The following JPH1 variants were observed in gnomAD, a reference collection of about 807,000 sequenced individuals.
JPH1 encodes junctophilin-1.
In JPH1, 12 loss-of-function variants were observed where a neutral mutation model predicts 53.6. That is an observed-to-expected ratio of 0.22 (90% CI 0.14 to 0.36). The LOEUF is 0.36. Among genes scored for constraint, JPH1 ranks in the 10% least tolerant of loss-of-function variants. The probability of loss-of-function intolerance (pLI) is 1.00; values close to 1 mark genes in which losing one functional copy is unlikely to be tolerated. For synonymous variants in JPH1, 375 were observed against 363.8 expected (o/e 1.03, Z -0.35); for missense variants, 808 against 905.5 (o/e 0.89, Z 1.38).
intron 2 of JPH1, among the ~76,000 whole-genome samples, chr8:74,304,598 G>A (rs988693487): frequency 2.6e-5 from 4 of 151,990 alleles, no homozygotes; most frequent in Admixed American, 6.6e-5. Flanking sequence ...TGGATGGAAG[G>A]TTTGAAATCT....
chr8:74,264,916 G>C (rs994353259), intron 2 of JPH1, among the ~76,000 whole-genome samples: 1 of 152,142 alleles, frequency 6.6e-6, no homozygotes, highest in Non-Finnish European at 1.5e-5. Flanking sequence ...TAACTCCTGT[G>C]CTTCCTTGTA....
chr8:74,250,743 C>T (rs1806022376), intron 3 of JPH1, among the ~76,000 whole-genome samples: 1 of 152,160 alleles, frequency 6.6e-6, no homozygotes, highest in African/African-American at 2.4e-5. Context: ...GCTCTAAAGC[C>T]TATGTCACCC....
At chr8:74,301,715 C>T (rs1807686801) in intron 2 of JPH1, among the ~76,000 whole-genome samples, 2 of 152,186 alleles carry the variant, frequency 1.3e-5, no homozygotes, top group South Asian at 4.1e-4. Flanking sequence ...CCCCATATGC[C>T]CTCAGTGTTC....
intron 2 of JPH1, among the ~76,000 whole-genome samples, chr8:74,262,559 C>T (rs1196838455): frequency 6.6e-6 from 1 of 152,190 alleles, no homozygotes; most frequent in African/African-American, 2.4e-5. Flanking sequence ...TGACATTTTA[C>T]AAATCTTCAG....
In JPH1 at chr8:74,235,562, C is replaced by T. The variant is rs1029230097; in HGVS notation, c.*1489G>A. 4 of 152,336 alleles carry T rather than the reference C, an allele frequency of 2.6e-5. No individual in the cohort carries two copies. Among genetic ancestry groups the T allele is most frequent in the African/African-American group, 9.7e-5 (4 of 41,366 alleles). The allele number at this position is 152,336 out of a possible 1,614,324, so 9.4% of individuals were successfully genotyped here. The stretch of plus-strand genomic sequence containing the variant: ...TGAAAATATTTAGGAGTAGCTCCCC[C>T]TCTGCAATGTAATGTTTTATAAAGA... On this transcript the variant is annotated 3_prime_UTR_variant, in exon 6 of 6. Transcript: ENST00000342232.
At chr8:74,264,265 T>C (rs1806472656) in intron 2 of JPH1, among the ~76,000 whole-genome samples, 1 of 152,228 alleles carries the variant, frequency 6.6e-6, no homozygotes, top group African/African-American at 2.4e-5. Context: ...TGTGAACCCA[T>C]CTTCACCATC....
intron 2 of JPH1, among the ~76,000 whole-genome samples, chr8:74,283,793 C>T (rs190391449): frequency 1.3e-5 from 2 of 152,292 alleles, no homozygotes; most frequent in East Asian, 1.9e-4. Context: ...GAAAGTGGTA[C>T]TTGTTGGCAT....
intron 2 of JPH1, among the ~76,000 whole-genome samples, chr8:74,289,019 T>G (rs994528229): frequency 1.3e-5 from 2 of 152,178 alleles, no homozygotes; most frequent in African/African-American, 2.4e-5. Context: ...TGGGCCAATA[T>G]GGGCTCACCC....
chr8:74,242,573 T>C (rs1805727443), intron 4 of JPH1, among the ~76,000 whole-genome samples: 1 of 152,238 alleles, frequency 6.6e-6, no homozygotes, highest in Non-Finnish European at 1.5e-5. Flanking sequence ...CTCCATTATC[T>C]TAAAGGTCAT....
intron 2 of JPH1, among the ~76,000 whole-genome samples, chr8:74,269,730 T>C (rs867082604): frequency 6.6e-6 from 1 of 152,192 alleles, no homozygotes; most frequent in African/African-American, 2.4e-5. Flanking sequence ...GACCTGAGAC[T>C]CAGAGAGATT....
chr8:74,255,998 T>C (rs1156998654), intron 3 of JPH1, among the ~76,000 whole-genome samples: 6 of 152,152 alleles, frequency 3.9e-5, no homozygotes, highest in Non-Finnish European at 8.8e-5. Context: ...TCCTCAGGGA[T>C]CTAGAACTAG....
Position 74,315,665 on chromosome 8 carries a change from G to A in JPH1, c.380-45C>T. 1.3e-5 allele frequency: 20 copies of A among 1,536,296 alleles called. No homozygotes were observed. The highest frequency in any genetic ancestry group is 1.7e-5 in the Non-Finnish European group (20 of 1,144,838). ...AGCACCGTGAGTCGGGGGCAGAGCTGCACCGTCACCTGCACCATCCAGCGC... is the reference window on the plus strand; with the variant it reads ...AGCACCGTGAGTCGGGGGCAGAGCTACACCGTCACCTGCACCATCCAGCGC... On this transcript the variant is annotated intron_variant, in intron 1 of 5. Transcript: ENST00000342232. This position sits in a 1 kb window ranked among gnomAD's most constrained non-coding sequence, Gnocchi z 6.3.
In JPH1 at chr8:74,308,044, G is replaced by A. The variant is rs546772931; in HGVS notation, c.1139+6817C>T. Among the ~76,000 whole-genome samples, 179 of 152,328 alleles carry A rather than the reference G, an allele frequency of 1.2e-3. 1 individual carries two copies. Among genetic ancestry groups the A allele is most frequent in the African/African-American group, 4.3e-3 (177 of 41,584 alleles). ...TGTTCTATCCCAGCCAACTTTATGT[G>A]TTAAATTAAATGATATTCTTTGAGT... is the stretch of plus-strand genomic sequence containing the variant. On this transcript the variant is annotated intron_variant, in intron 2 of 5. Transcript: ENST00000342232.
intron 4 of JPH1, 125 bp from the exon 5 acceptor site, chr8:74,237,428 CA>C: frequency 1.4e-6 from 1 of 724,230 alleles, no homozygotes; most frequent in South Asian, 1.9e-5. Context: ...TAAAAGATGA[CA>C]GCAGTTCGGA....
intron 2 of JPH1, among the ~76,000 whole-genome samples, chr8:74,277,873 T>C (rs1189790408): frequency 6.6e-6 from 1 of 152,070 alleles, no homozygotes; most frequent in Non-Finnish European, 1.5e-5. Flanking sequence ...GGCTCAAAGA[T>C]ATATTAAAAA....
At position 74,235,535 on chromosome 8, in the gene JPH1, C is replaced by T. The variant is rs1345236525; in HGVS notation, c.*1516G>A. On this transcript the variant is annotated 3_prime_UTR_variant, in exon 6 of 6. Coordinates refer to ENST00000342232, the MANE Select transcript of JPH1 (RefSeq NM_020647.4). Reference sequence around the variant, plus strand: ...AAAAATCTGATTAAACCATGCAAATCATGAAAATATTTAGGAGTAGCTCCC... The same window carrying T: ...AAAAATCTGATTAAACCATGCAAATTATGAAAATATTTAGGAGTAGCTCCC... The T allele has an allele frequency of 1.3e-5, 2 of 152,108 alleles. No individual in the cohort carries two copies. Among genetic ancestry groups the T allele is most frequent in the African/African-American group, 4.8e-5 (2 of 41,270 alleles). The allele number at this position is 152,108 out of a possible 1,614,324, so 9.4% of individuals were successfully genotyped here. A position where few individuals can be genotyped will look rare whatever the true frequency, so the allele number is the denominator to read the frequency against.
At chr8:74,260,534 T>C (rs1464443137) in intron 2 of JPH1, among the ~76,000 whole-genome samples, 4 of 152,236 alleles carry the variant, frequency 2.6e-5, no homozygotes, top group Non-Finnish European at 5.9e-5. Context: ...TAGGCAGGGC[T>C]ATAAATAACT....
At chr8:74,271,007 A>G (rs1321673946) in intron 2 of JPH1, among the ~76,000 whole-genome samples, 6 of 152,198 alleles carry the variant, frequency 3.9e-5, no homozygotes, top group African/African-American at 1.4e-4. Flanking sequence ...TGACAGATGC[A>G]ATAACTTGAA....
rs773219532 is a variant in JPH1, at chr8:74,315,472, G to A, written c.528C>T (p.Leu176=). The A allele has an allele frequency of 2.5e-6, 4 of 1,607,786 alleles. No homozygotes were observed. The highest frequency in any genetic ancestry group is 1.7e-4 in the Middle Eastern group (1 of 6,044). ...TGTCGGCGGCGGCTGCGGCGTCGTG[G>A]AGCACGCTGCCATTGCTCTGCTCGC... is the stretch of plus-strand genomic sequence containing the variant. ...LRSEQSNGSV[L]HDAAAAADSP... The change falls in exon 2 of 6, where the codon CTC becomes CTT. Residue 176 remains leucine (L), a synonymous_variant. Coordinates refer to ENST00000342232, the MANE Select transcript of JPH1 (RefSeq NM_020647.4). The surrounding 1 kb of genome is among the most constrained non-coding windows in gnomAD (Gnocchi z 6.3).
Sources: gnomAD v4.1 joint callset for allele counts (sites outside exome capture counted in the v4.1 genomes callset) on GRCh38, gnomAD v4.1.1 for gene constraint, Gnocchi (gnomAD v3.1) non-coding constraint, MANE v1.5 for transcripts, NCBI Gene and HGNC (gene_info 2026-07-23, HGNC 2026-07-21) for gene names.